The following DNAH9 variants were observed in gnomAD, a reference collection of about 807,000 sequenced individuals.
DNAH9 encodes DNAH9 variant protein.
In DNAH9, 345 loss-of-function variants were observed where a neutral mutation model predicts 471.6. The observed-to-expected ratio is 0.73, with a 90% CI of 0.67 to 0.80. The LOEUF (loss-of-function observed/expected upper bound fraction) is 0.80. Among genes scored for constraint, DNAH9 ranks in the 30% least tolerant of loss-of-function variants. The pLI is 0.00. For missense variants in DNAH9, 5,407 were observed against 5,609.2 expected, an observed-to-expected ratio of 0.96 and a Z score of 1.15; for synonymous variants, 2,093 against 2,123.6, an observed-to-expected ratio of 0.99 and a Z score of 0.40.
chr17:11,800,275 C>T lies in DNAH9; in HGVS notation c.8420+2482C>T, dbSNP rs1567810989. On this transcript the variant is annotated intron_variant, in intron 43 of 68. Coordinates refer to ENST00000262442, the MANE Select transcript of DNAH9 (RefSeq NM_001372.4). ...AACTTCAGTTCATGAACACCCCTAT[C>T]CCTATCTAAGTCTAGTCCCTACACC... Among the ~76,000 whole-genome samples, 3 of 151,864 alleles carry T rather than the reference C, an allele frequency of 2.0e-5. 1 individual carries two copies. The highest frequency in any genetic ancestry group is 2.0e-4 in the Admixed American group (3 of 15,254).
chr17:11,870,306 A>T (rs1972216491), intron 51 of DNAH9, among the ~76,000 whole-genome samples: 1 of 152,232 alleles, frequency 6.6e-6, no homozygotes, highest in Non-Finnish European at 1.5e-5. Flanking sequence ...TGTATTTCTC[A>T]TCCCATATAT....
intron 12 of DNAH9, among the ~76,000 whole-genome samples, chr17:11,650,654 C>T (rs1415172093): frequency 6.6e-6 from 1 of 152,244 alleles, no homozygotes; most frequent in Non-Finnish European, 1.5e-5. Flanking sequence ...GAAGTCTGAA[C>T]TTGAGGCTTC....
rs558830995 is a variant in DNAH9 at position 11,876,474 on chromosome 17, A to G, written c.10478+1290A>G. Among the ~76,000 whole-genome samples the G allele has an allele frequency of 7.7e-4, 116 of 150,980 alleles. 2 individuals carry two copies. The highest frequency in any genetic ancestry group is 2.8e-3 in the African/African-American group (114 of 40,358). Reference sequence around the variant, plus strand: ...TTAAATAAAATAAAATTGAAGTTAAAAAAAAGGGAAAAAATTCTGACACAT... The same window carrying G: ...TTAAATAAAATAAAATTGAAGTTAAGAAAAAGGGAAAAAATTCTGACACAT... On this transcript the variant is annotated intron_variant, in intron 53 of 68. Coordinates refer to ENST00000262442, the MANE Select transcript of DNAH9 (RefSeq NM_001372.4).
Position 11,724,475 on chromosome 17 carries a change from C to T in DNAH9, c.5710-3343C>T, listed in dbSNP as rs73292611. ...TTCTTTCACTTAAGATAATATCCTC[C>T]AGGTCCATCCCTGTTGCTGCAAATG... On this transcript the variant is annotated intron_variant, in intron 27 of 68. Coordinates refer to ENST00000262442, the MANE Select transcript of DNAH9 (RefSeq NM_001372.4). 6.7e-3 allele frequency among the ~76,000 whole-genome samples: 1,026 copies of T among 152,290 alleles called. 11 individuals carry two copies. Among genetic ancestry groups the T allele is most frequent in the African/African-American group, 0.023 (958 of 41,546 alleles).
intron 37 of DNAH9, among the ~76,000 whole-genome samples, chr17:11,768,839 G>A (rs1968078644): frequency 6.6e-6 from 1 of 152,164 alleles, no homozygotes; most frequent in Non-Finnish European, 1.5e-5. Context: ...GGAGGAAATG[G>A]CAGGGGCAGA....
At chr17:11,685,586 G>A (rs1217138316) in intron 19 of DNAH9, among the ~76,000 whole-genome samples, 1 of 152,152 alleles carries the variant, frequency 6.6e-6, no homozygotes, top group African/African-American at 2.4e-5. Flanking sequence ...AGCAGTGGCA[G>A]AGATGAGGGA....
At chr17:11,816,743 A>T (rs1408298876) in intron 45 of DNAH9, among the ~76,000 whole-genome samples, 1 of 152,220 alleles carries the variant, frequency 6.6e-6, no homozygotes, top group Non-Finnish European at 1.5e-5. Flanking sequence ...CCATACTAAC[A>T]TACAGAAGAT....
At chr17:11,757,442 C>G in intron 34 of DNAH9, 103 bp from the exon 35 acceptor site, 1 of 1,110,492 alleles carries the variant, frequency 9.0e-7, no homozygotes, top group South Asian at 1.6e-5. Flanking sequence ...CTTTTCAGTC[C>G]AGTCTTCTGT....
At position 11,892,197 on chromosome 17, in the gene DNAH9, T is replaced by A. The variant is rs1222934829; in HGVS notation, c.11283+250T>A. Among the ~76,000 whole-genome samples, 5 of 152,136 alleles carry A rather than the reference T, an allele frequency of 3.3e-5. No individual in the cohort carries two copies. The highest frequency in any genetic ancestry group is 1.2e-4 in the African/African-American group (5 of 41,420). ...GCTGATCCTGGAAGATCTAAGATCT[T>A]CCTCAGCACAGCACTCCAGCAGCCA... is the stretch of plus-strand genomic sequence containing the variant. On this transcript the variant is annotated intron_variant, in intron 58 of 68. Transcript: ENST00000262442. The surrounding 1 kb of genome is among the most constrained non-coding windows in gnomAD (Gnocchi z 4.3).
intron 12 of DNAH9, among the ~76,000 whole-genome samples, chr17:11,649,895 A>G (rs891662326): frequency 4.6e-5 from 7 of 152,208 alleles, no homozygotes; most frequent in African/African-American, 1.7e-4. Flanking sequence ...AATATGTGAC[A>G]GATACTAAGA....
intron 49 of DNAH9, among the ~76,000 whole-genome samples, chr17:11,840,006 G>A (rs1223680353): frequency 6.6e-6 from 1 of 152,130 alleles, no homozygotes; most frequent in Non-Finnish European, 1.5e-5. Flanking sequence ...AGTATACAAA[G>A]GCTTCTCAAA....
intron 26 of DNAH9, 143 bp from the exon 27 acceptor site, chr17:11,719,191 C>A: frequency 1.4e-6 from 1 of 735,312 alleles, no homozygotes; most frequent in Non-Finnish European, 2.2e-6. Flanking sequence ...GTCCTCCCCA[C>A]AGTGCTGTGG....
intron 50 of DNAH9, among the ~76,000 whole-genome samples, chr17:11,856,587 T>C (rs1971635521): frequency 6.7e-6 from 1 of 149,668 alleles, no homozygotes; most frequent in African/African-American, 2.5e-5. Flanking sequence ...CCACCTGTAG[T>C]CCCAGCTACT....
At chr17:11,948,927 A>ACC (rs1456714002) in intron 67 of DNAH9, among the ~76,000 whole-genome samples, 1 of 152,140 alleles carries the variant, frequency 6.6e-6, no homozygotes, top group African/African-American at 2.4e-5. Context: ...CCCTCTGTGG[A>ACC]CTGAACGCCC....
In DNAH9 at chr17:11,750,964, T is replaced by C. The variant is rs74937824; in HGVS notation, c.6611-1869T>C. ...TATATAAAAGATAAATAAATGTAAATATTGGTTCGCTGTAAAGACCAATAA... is the reference window on the plus strand; with the variant it reads ...TATATAAAAGATAAATAAATGTAAACATTGGTTCGCTGTAAAGACCAATAA... On this transcript the variant is annotated intron_variant, in intron 32 of 68. Transcript: ENST00000262442. Among the ~76,000 whole-genome samples the C allele has an allele frequency of 4.8e-4, 73 of 152,138 alleles. No homozygotes were observed. The East Asian group carries it at 0.012, about 25-fold the overall frequency.
chr17:11,865,893 G>A (rs1228995244), intron 50 of DNAH9, among the ~76,000 whole-genome samples: 2 of 152,100 alleles, frequency 1.3e-5, no homozygotes, highest in African/African-American at 4.8e-5. Context: ...GCACTTCTCT[G>A]TATTGGTTAT....
chr17:11,891,962 A>T lies in DNAH9; in HGVS notation c.11283+15A>T. 6.2e-7 allele frequency: 1 copy of T among 1,609,422 alleles called. No individual in the cohort carries two copies. Among genetic ancestry groups the T allele is most frequent in the Non-Finnish European group, 8.5e-7 (1 of 1,176,872 alleles). ...TCACCTTTCAGGTAAAAGTGGATTG[A>T]AGAAGTTTCCAGAAAACAGGTTATT... On this transcript the variant is annotated intron_variant, in intron 58 of 68. Transcript: ENST00000262442.
chr17:11,815,264 A>T (rs1008450198), intron 45 of DNAH9, among the ~76,000 whole-genome samples: 2 of 150,192 alleles, frequency 1.3e-5, no homozygotes, highest in Non-Finnish European at 3.0e-5. Flanking sequence ...TGTTCTGTGG[A>T]TTCCCTATAT....
chr17:11,917,493 CCTCA>C (rs1446404580), intron 61 of DNAH9, among the ~76,000 whole-genome samples: 1 of 152,144 alleles, frequency 6.6e-6, no homozygotes, highest in East Asian at 1.9e-4. Flanking sequence ...CACCATCCAC[CCTCA>C]CTGTTTTCCT....
Sources: allele counts gnomAD v4.1 joint callset (sites outside exome capture counted in the v4.1 genomes callset), GRCh38; gene constraint gnomAD v4.1.1; non-coding constraint Gnocchi (gnomAD v3.1); transcripts MANE v1.5; gene names NCBI Gene and HGNC (gene_info 2026-07-23, HGNC 2026-07-21).